The following FANCM variants were observed in gnomAD, a reference collection of about 807,000 sequenced individuals.
The protein encoded by FANCM is Fanconi anemia group M protein.
In FANCM, 140 loss-of-function variants were observed where a neutral mutation model predicts 199.5. That is an observed-to-expected ratio of 0.70 (90% confidence interval 0.61 to 0.81). FANCM has a LOEUF of 0.81. Ranked by LOEUF, FANCM falls within the 30% of genes least tolerant of loss-of-function variation. The probability of loss-of-function intolerance (pLI) is 0.00; values close to 1 mark genes in which losing one functional copy is unlikely to be tolerated. For synonymous variants in FANCM, 840 were observed against 836.8 expected (o/e 1.00, Z -0.07); for missense variants, 2,410 against 2,421.4 (o/e 1.00, Z 0.10).
chr14:45,139,054 C>T (rs918836371), intron 2 of FANCM, among the ~76,000 whole-genome samples: 2 of 152,170 alleles, frequency 1.3e-5, no homozygotes, highest in African/African-American at 4.8e-5. Context: ...TCATACAAAA[C>T]ATTTTTAAAA....
chr14:45,176,206 C>T lies in FANCM; in HGVS notation c.3452C>T (p.Pro1151Leu), dbSNP rs2139248554. Residue 1151 changes from proline to leucine, a missense_variant, in exon 14 of 23, where the codon CCC becomes CTC. Coordinates refer to ENST00000267430, the MANE Select transcript of FANCM (RefSeq NM_020937.4). ...GAGTTCGACGATGTGAGTCTTTCACCCTTGAACAGTAAAAGCGAATCTTTA... is the reference window on the plus strand; with the variant it reads ...GAGTTCGACGATGTGAGTCTTTCACTCTTGAACAGTAAAAGCGAATCTTTA... ...NTEFDDVSLS[P>L]LNSKSESLPV... 1.2e-6 allele frequency: 2 copies of T among 1,613,960 alleles called. No homozygotes were observed. The highest frequency in any genetic ancestry group is 1.7e-6 in the Non-Finnish European group (2 of 1,179,950).
At chr14:45,196,144 A>T in intron 20 of FANCM, 28 bp from the exon 21 acceptor site, 2 of 1,613,692 alleles carry the variant, frequency 1.2e-6, no homozygotes, top group Non-Finnish European at 1.7e-6. Flanking sequence ...TTTAACCTGA[A>T]TGTGACCAGT....
intron 6 of FANCM, 85 bp downstream of exon 6, chr14:45,154,137 A>G: frequency 9.8e-7 from 1 of 1,021,356 alleles, no homozygotes; most frequent in South Asian, 1.3e-5. Context: ...ACAGTGGCTC[A>G]TTTCTGTAAT....
Position 45,136,337 on chromosome 14 carries a change from T to C in FANCM, c.306T>C (p.Ala102=). 1 of 1,614,138 alleles carries C rather than the reference T, an allele frequency of 6.2e-7. No homozygotes were observed. Among genetic ancestry groups the C allele is most frequent in the Non-Finnish European group, 8.5e-7 (1 of 1,180,018 alleles). Residue 102 remains alanine (A), a synonymous_variant, in exon 1 of 23, where the codon GCT becomes GCC. Coordinates refer to ENST00000267430, the MANE Select transcript of FANCM (RefSeq NM_020937.4). ...RDYQLHISRA[A]LFCNTLVCLP... ...ACCAGCTGCACATTTCCCGGGCTGC[T>C]CTGTTTTGCAATACGCTGGTGTGTC...
At chr14:45,192,621 C>G (rs1401726105) in intron 20 of FANCM, among the ~76,000 whole-genome samples, 1 of 151,846 alleles carries the variant, frequency 6.6e-6, no homozygotes, top group Non-Finnish European at 1.5e-5. Context: ...CCAGCCTGTG[C>G]AACATAGCGA....
At chr14:45,187,363 A>G (rs1889468339) in intron 18 of FANCM, among the ~76,000 whole-genome samples, 1 of 151,866 alleles carries the variant, frequency 6.6e-6, no homozygotes, top group Admixed American at 6.6e-5. Flanking sequence ...GAAAATTATG[A>G]AATATACTTT....
At chr14:45,172,665 TTTTG>T (rs1566758752) in intron 12 of FANCM, among the ~76,000 whole-genome samples, 3 of 152,346 alleles carry the variant, frequency 2.0e-5, no homozygotes, top group East Asian at 3.9e-4. Flanking sequence ...TTATTGTTTA[TTTTG>T]TTTATTATTA....
At position 45,155,361 on chromosome 14, in the gene FANCM, GT is replaced by G; in HGVS notation, c.1310-8del. On this transcript the variant is annotated splice_polypyrimidine_tract_variant and intron_variant, in intron 7 of 22. Coordinates refer to ENST00000267430, the MANE Select transcript of FANCM (RefSeq NM_020937.4). Reference sequence around the variant, plus strand: ...AACAGAAAAAAATTTTGATATTTTTGTTTTGTTCCAGGAGATAAAAATAAAA... The same window carrying G: ...AACAGAAAAAAATTTTGATATTTTTGTTTGTTCCAGGAGATAAAAATAAAA... The G allele has an allele frequency of 1.7e-6, 2 of 1,155,010 alleles. No homozygotes were observed. The highest frequency in any genetic ancestry group is 2.6e-6 in the Non-Finnish European group (2 of 769,786). 71.5% of individuals were successfully genotyped at this position (1,155,010 alleles called of 1,614,324 possible). A position where few individuals can be genotyped will look rare whatever the true frequency, so the allele number is the denominator to read the frequency against.
At chr14:45,145,630 G>T (rs1469238732) in intron 3 of FANCM, among the ~76,000 whole-genome samples, 3 of 152,188 alleles carry the variant, frequency 2.0e-5, no homozygotes, top group Non-Finnish European at 1.5e-5. Flanking sequence ...CATGATTCAA[G>T]ATTGTGTTTC....
intron 11 of FANCM, among the ~76,000 whole-genome samples, chr14:45,169,397 A>G (rs531044007): frequency 1.1e-4 from 15 of 141,812 alleles, no homozygotes; most frequent in Non-Finnish European, 1.8e-4. Context: ...TTTTTTTTTC[A>G]TTTTTAATTT....
chr14:45,164,316 C>T (rs774934487), intron 9 of FANCM, 43 bp from the exon 10 acceptor site: 10 of 1,446,980 alleles, frequency 6.9e-6, no homozygotes, highest in African/African-American at 1.4e-5. Context: ...CTACAGTTCT[C>T]TTACATTTGC....
Position 45,170,665 on chromosome 14 carries a change from A to G in FANCM, c.2079A>G (p.Arg693=), listed in dbSNP as rs747434711. The G allele has an allele frequency of 2.5e-6, 4 of 1,604,852 alleles. No homozygotes were observed. In the Admixed American group the frequency reaches 5.0e-5, roughly 20 times the overall value. Residue 693 remains arginine (R), a synonymous_variant, in exon 12 of 23, where the codon AGA becomes AGG. Coordinates refer to ENST00000267430, the MANE Select transcript of FANCM (RefSeq NM_020937.4). ...EEFKLWNRLY[R]LRDSDEIKEI... ...TTAAATTATGGAACAGACTTTATAG[A>G]TTAAGGGACAGTGATGAAATTAAAG...
Position 45,151,524 on chromosome 14 carries a change from T to G in FANCM, c.1046T>G (p.Ile349Ser), listed in dbSNP as rs150185654. 6.2e-7 allele frequency: 1 copy of G among 1,611,176 alleles called. No individual in the cohort carries two copies. The highest frequency in any genetic ancestry group is 1.1e-5 in the South Asian group (1 of 91,016). ...DQFRKNPSPN[I>S]VGIQQGIIEG... ...TTTAGGAAAAACCCATCTCCGAATA[T>G]TGTGGTAGGTATTTTTAAATAAATT... Residue 349 changes from isoleucine to serine, a missense_variant, in exon 5 of 23, where the codon ATT becomes AGT. Ile to Ser is a moderately radical substitution (Grantham distance 142). Transcript: ENST00000267430.
chr14:45,170,834 A>G (rs1213438489), intron 12 of FANCM, 88 bp downstream of exon 12: 2 of 1,093,136 alleles, frequency 1.8e-6, no homozygotes, highest in Non-Finnish European at 2.8e-6. Context: ...TGATCAAGCA[A>G]TAGCTTTGGG....
Position 45,198,815 on chromosome 14 carries a change from C to G in FANCM, c.5888C>G (p.Thr1963Arg). Residue 1963 changes from threonine to arginine, a missense_variant, in exon 22 of 23, where the codon ACA becomes AGA. Physicochemically the swap from Thr to Arg is moderately conservative, Grantham distance 71. Transcript: ENST00000267430. Reference protein sequence around the residue: ...QRKNVGIHVPTVVNSNKSEAL... With the variant: ...QRKNVGIHVPRVVNSNKSEAL... ...AAGAATGTTGGTATTCATGTTCCAA[C>G]AGTGGTGAATAGTAATAAAAGTGAG... 1.9e-6 allele frequency: 3 copies of G among 1,613,920 alleles called. No homozygotes were observed. In the South Asian group the frequency reaches 3.3e-5, roughly 18 times the overall value.
chr14:45,193,163 A>G (rs1309792489), intron 20 of FANCM, among the ~76,000 whole-genome samples: 1 of 152,224 alleles, frequency 6.6e-6, no homozygotes, highest in Non-Finnish European at 1.5e-5. Flanking sequence ...TTCAGAGCTT[A>G]GGTGAAGACC....
chr14:45,140,450 T>G (rs1885828831), intron 2 of FANCM, among the ~76,000 whole-genome samples, 182 bp from the exon 3 acceptor site: 1 of 152,222 alleles, frequency 6.6e-6, no homozygotes, highest in South Asian at 2.1e-4. Context: ...TTGATCAGCA[T>G]AGAGAATAAA....
rs771052141 is a variant in FANCM at position 45,136,382 on chromosome 14, G to T, written c.351G>T (p.Lys117Asn). 1 of 1,614,188 alleles carries T rather than the reference G, an allele frequency of 6.2e-7. No individual in the cohort carries two copies. The highest frequency in any genetic ancestry group is 2.2e-5 in the East Asian group (1 of 44,888). Residue 117 changes from lysine to asparagine, a missense_variant, in exon 1 of 23, where the codon AAG becomes AAT. By Grantham distance (94) the Lys-to-Asn change is moderately conservative. Coordinates refer to ENST00000267430, the MANE Select transcript of FANCM (RefSeq NM_020937.4). ...TLVCLPTGLG[K>N]TFIAAVVMYN... is the part of the protein sequence containing the mutation. ...TGTGTCTGCCTACCGGACTGGGAAA[G>T]ACCTTTATTGCCGCCGTGGTCATGT...
intron 19 of FANCM, 103 bp from the exon 20 acceptor site, chr14:45,188,699 A>G (rs1889563094): frequency 2.3e-6 from 2 of 863,196 alleles, no homozygotes; most frequent in South Asian, 1.6e-5. Flanking sequence ...AATAAAGTAA[A>G]TTAAACAAAT....
Sources: allele counts gnomAD v4.1 joint callset (sites outside exome capture counted in the v4.1 genomes callset), GRCh38; gene constraint gnomAD v4.1.1; transcripts MANE v1.5; gene names NCBI Gene and HGNC (gene_info 2026-07-23, HGNC 2026-07-21).